SYNPR: variants seen among roughly 807,000 people sequenced by gnomAD.
SYNPR encodes synaptoporin.
A neutral mutation model predicts 32.9 loss-of-function variants in SYNPR; 23 were observed. The ratio of observed to expected loss-of-function variants is 0.70; its 90% CI spans 0.50 to 0.99. The LOEUF is 0.99. SYNPR is among the 50% of genes least tolerant of loss of function. The pLI is 0.00. For synonymous variants in SYNPR, 146 were observed against 135.9 expected (o/e 1.07, Z -0.52); for missense variants, 318 against 349.3 (o/e 0.91, Z 0.71).
intron 2 of SYNPR, among the ~76,000 whole-genome samples, chr3:63,427,146 T>TA (rs36040199): frequency 0.41 from 56,792 of 140,152 alleles, 11,190 homozygotes; most frequent in Middle Eastern, 0.47. Context: ...TCTTTATCTT[T>TA]AAAAAAAAAA....
In SYNPR at chr3:63,602,052, A is replaced by G. The variant is rs528350072; in HGVS notation, c.409-7073A>G. 2.0e-5 allele frequency among the ~76,000 whole-genome samples: 3 copies of G among 152,088 alleles called. No homozygotes were observed. The South Asian group carries it at 6.2e-4, about 32-fold the overall frequency. On this transcript the variant is annotated intron_variant, in intron 4 of 5. Transcript: ENST00000478300. ...TAATAGCCATTCTGACCAGTGTGAG[A>G]TGGTATCTCTTTGTGGTTTTGATTT...
chr3:63,563,488 T>C (rs1390054448), intron 4 of SYNPR, among the ~76,000 whole-genome samples: 3 of 152,128 alleles, frequency 2.0e-5, no homozygotes, highest in East Asian at 3.9e-4. Flanking sequence ...CTCTGAGCTA[T>C]ACAGAAATTG....
chr3:63,220,131 G>T, the SYNPR span, among the ~76,000 whole-genome samples: 1 of 152,188 alleles, frequency 6.6e-6, no homozygotes, highest in Admixed American at 6.5e-5. Flanking sequence ...AACATTTATT[G>T]TACAAATGTA....
intron 1 of SYNPR, among the ~76,000 whole-genome samples, chr3:63,239,889 C>G (rs748235543): frequency 3.3e-5 from 5 of 152,218 alleles, no homozygotes; most frequent in South Asian, 2.1e-4. Flanking sequence ...CTACCATTGT[C>G]ACCCATCATA....
At chr3:63,347,435 T>C (rs1166916443) in intron 2 of SYNPR, among the ~76,000 whole-genome samples, 1 of 152,250 alleles carries the variant, frequency 6.6e-6, no homozygotes, top group Non-Finnish European at 1.5e-5. Context: ...CACTCATCCT[T>C]TTCTTTTTCA....
rs369832336 is a variant in SYNPR at position 63,566,354 on chromosome 3, G to GCCCT, written c.408+9615_408+9618dup. ...ATCTTGTATTGATTTTTCCTTGTGT[G>GCCCT]CCCTCAGATACTGCTGGGTTTTACT... On this transcript the variant is annotated intron_variant, in intron 4 of 5. Coordinates refer to ENST00000478300, the MANE Select transcript of SYNPR (RefSeq NM_001130003.2). Among the ~76,000 whole-genome samples, 341 of 152,226 alleles carry GCCCT rather than the reference G, an allele frequency of 2.2e-3. 4 individuals are homozygous for GCCCT. In the Middle Eastern group the frequency reaches 0.031, roughly 14 times the overall value.
chr3:63,331,817 T>G (rs981333213), intron 2 of SYNPR, among the ~76,000 whole-genome samples: 1 of 152,206 alleles, frequency 6.6e-6, no homozygotes, highest in Non-Finnish European at 1.5e-5. Context: ...GACCTCAGAC[T>G]TCTCACAACA....
intron 1 of SYNPR, 23 bp downstream of exon 1, chr3:63,278,574 G>A (rs2086597987): frequency 6.4e-7 from 1 of 1,550,962 alleles, no homozygotes; most frequent in Non-Finnish European, 8.7e-7. Context: ...TGGGCAGGGC[G>A]GCTGGCTGGG....
At chr3:63,551,581 CTTATAATTCCAATCTTATACTCTTTCTTT>C (rs1702500511) in intron 3 of SYNPR, among the ~76,000 whole-genome samples, 1 of 152,206 alleles carries the variant, frequency 6.6e-6, no homozygotes, top group Non-Finnish European at 1.5e-5. Flanking sequence ...CTTACCAACA[CTTATAATTCCAATCTTATACTCTTTCTTT>C]TTATAGCCAC....
At chr3:63,250,082 T>C (rs1325379159) in intron 1 of SYNPR, among the ~76,000 whole-genome samples, 1 of 152,082 alleles carries the variant, frequency 6.6e-6, no homozygotes, top group East Asian at 1.9e-4. Context: ...CAAAATTACA[T>C]ATAGCTGGGA....
intron 2 of SYNPR, among the ~76,000 whole-genome samples, chr3:63,314,398 G>C (rs2087018042): frequency 6.6e-6 from 1 of 151,436 alleles, no homozygotes; most frequent in Non-Finnish European, 1.5e-5. Context: ...TGATTCTTTT[G>C]ATTATGGCCA....
At chr3:63,201,281 C>T in the SYNPR span, among the ~76,000 whole-genome samples, 14 of 152,240 alleles carry the variant, frequency 9.2e-5, no homozygotes, top group Middle Eastern at 3.4e-3. Flanking sequence ...GATGTGTTCA[C>T]CAGCAAAGGC....
chr3:63,384,109 G>C (rs1485534723), intron 2 of SYNPR, among the ~76,000 whole-genome samples: 1 of 152,218 alleles, frequency 6.6e-6, no homozygotes, highest in Non-Finnish European at 1.5e-5. Context: ...AGCCAATGCT[G>C]GATCTGAAAT....
intron 2 of SYNPR, among the ~76,000 whole-genome samples, chr3:63,318,147 T>G (rs1206793356): frequency 6.6e-6 from 1 of 152,086 alleles, no homozygotes; most frequent in Admixed American, 6.5e-5. Flanking sequence ...AGGTTTTCCT[T>G]TATAGGTTAC....
intron 2 of SYNPR, among the ~76,000 whole-genome samples, chr3:63,284,341 A>G (rs1237889780): frequency 6.6e-6 from 1 of 152,188 alleles, no homozygotes; most frequent in Non-Finnish European, 1.5e-5. Context: ...AAACTCTCCA[A>G]AACAATATTT....
intron 4 of SYNPR, among the ~76,000 whole-genome samples, chr3:63,591,971 T>C (rs1699837829): frequency 6.6e-6 from 1 of 151,422 alleles, no homozygotes; most frequent in Non-Finnish European, 1.5e-5. Flanking sequence ...CCTGTGAATG[T>C]GACTTTATTT....
At chr3:63,422,354 A>G (rs1403328996) in intron 2 of SYNPR, among the ~76,000 whole-genome samples, 1 of 152,104 alleles carries the variant, frequency 6.6e-6, no homozygotes, top group Non-Finnish European at 1.5e-5. Flanking sequence ...TCCATCATGT[A>G]GACACATGAA....
intron 1 of SYNPR, among the ~76,000 whole-genome samples, chr3:63,245,034 G>T (rs1292786400): frequency 2.0e-5 from 3 of 152,094 alleles, no homozygotes; most frequent in African/African-American, 7.2e-5. Flanking sequence ...AAAGAAAGAC[G>T]TTTTCTGCCA....
chr3:63,427,430 G>C (rs55910650), intron 2 of SYNPR: 26,705 of 152,098 alleles, frequency 0.18, 2,446 homozygotes, highest in Non-Finnish European at 0.2. Flanking sequence ...GAGAGAGACT[G>C]ACCTTGGGAA....
Sources: gnomAD v4.1 joint callset for allele counts (sites outside exome capture counted in the v4.1 genomes callset) on GRCh38, gnomAD v4.1.1 for gene constraint, MANE v1.5 for transcripts, NCBI Gene and HGNC (gene_info 2026-07-23, HGNC 2026-07-21) for gene names.